Variants in RGPD4 observed in about 807,000 individuals in gnomAD.
RGPD4 encodes the protein RANBP2 like and GRIP domain containing 4, also known as ranBP2-like and GRIP domain-containing protein 4.
A neutral mutation model predicts 141.1 loss-of-function variants in RGPD4; 84 were observed. That is an observed-to-expected ratio of 0.60 (90% CI 0.50 to 0.71). The LOEUF (loss-of-function observed/expected upper bound fraction) is 0.71. RGPD4 is among the 30% of genes least tolerant of loss of function. The pLI is 0.00. For missense variants in RGPD4, 918 were observed against 1,622.4 expected, an observed-to-expected ratio of 0.57 and a Z score of 7.46; for synonymous variants, 298 against 566.8, an observed-to-expected ratio of 0.53 and a Z score of 6.74.
intron 17 of RGPD4, among the ~76,000 whole-genome samples, chr2:107,865,930 C>T (rs1302134861): frequency 1.0e-4 from 14 of 134,666 alleles, no homozygotes; most frequent in South Asian, 2.6e-4. Flanking sequence ...ATTAGCCTGG[C>T]GTGCTGGCTG....
chr2:107,830,009 C>G (rs1277441786), intron 1 of RGPD4, among the ~76,000 whole-genome samples: 1 of 152,066 alleles, frequency 6.6e-6, no homozygotes. Context: ...CATCTCAGCG[C>G]GGACATTTGC....
chr2:107,877,986 C>T (rs79742112), intron 20 of RGPD4, among the ~76,000 whole-genome samples: 9,126 of 148,954 alleles, frequency 0.061, 257 homozygotes, highest in African/African-American at 0.16. Flanking sequence ...CTAATTTTTG[C>T]ATTTTTAGTA....
intron 1 of RGPD4, among the ~76,000 whole-genome samples, chr2:107,831,630 T>C (rs56200016): frequency 0.75 from 77,697 of 104,178 alleles, 30,060 homozygotes; most frequent in African/African-American, 0.9. Flanking sequence ...GGCTGGAGTG[T>C]AGTGGCGCGA....
intron 1 of RGPD4, among the ~76,000 whole-genome samples, chr2:107,828,754 G>T (rs1481753813): frequency 3.4e-5 from 1 of 29,116 alleles, no homozygotes; most frequent in Admixed American, 2.2e-4. Flanking sequence ...CGGCTGCCTC[G>T]ATGGCTCAGG....
Position 107,859,550 on chromosome 2 carries a change from G to T in RGPD4, c.1630G>T (p.Ala544Ser), listed in dbSNP as rs1314253220. 6.2e-7 allele frequency: 1 copy of T among 1,611,374 alleles called. No individual in the cohort carries two copies. Among genetic ancestry groups the T allele is most frequent in the African/African-American group, 1.3e-5 (1 of 74,398 alleles). Residue 544 changes from alanine (A) to serine (S), a missense_variant, in exon 11 of 23, where the codon GCA becomes TCA. By Grantham distance (99) the Ala-to-Ser change is moderately conservative. Coordinates refer to ENST00000408999, the MANE Select transcript of RGPD4 (RefSeq NM_182588.3). ...GGTTTGTACTCTGATTCACAGAAAA[G>T]CAGTGTAAGTAGTAAAACAAAAATA... Reference protein sequence around the residue: ...DAVCTLIHRKAVPGNSAKLRL... With the variant: ...DAVCTLIHRKSVPGNSAKLRL...
At chr2:107,836,504 T>C in intron 1 of RGPD4, 98 bp from the exon 2 acceptor site, 1 of 1,031,450 alleles carries the variant, frequency 9.7e-7, no homozygotes, top group Non-Finnish European at 1.4e-6. Flanking sequence ...GAAAATGGCA[T>C]ATTTGAACAT....
rs748606098 is a variant in RGPD4 at position 107,872,677 on chromosome 2, T to C, written c.4673T>C (p.Phe1558Ser). The change falls in exon 20 of 23, where the codon TTT (phenylalanine) becomes TCT (serine). Residue 1558 changes from phenylalanine to serine, a missense_variant. Coordinates refer to ENST00000408999, the MANE Select transcript of RGPD4 (RefSeq NM_182588.3). ...TTTAGTAGTGAAAAATCAAAACCAT[T>C]TGCATTTGGCAACAGTTCTGCCACT... is the stretch of plus-strand genomic sequence containing the variant. The part of the protein sequence containing the change: ...RIFSSEKSKP[F>S]AFGNSSATGS... 5.0e-6 allele frequency: 8 copies of C among 1,611,134 alleles called. No individual in the cohort carries two copies. The highest frequency in any genetic ancestry group is 5.9e-6 in the Non-Finnish European group (7 of 1,179,816).
rs772067009 is a variant in RGPD4 at position 107,872,101 on chromosome 2, G to C, written c.4097G>C (p.Arg1366Thr). 38 of 1,611,556 alleles carry C rather than the reference G, an allele frequency of 2.4e-5. 1 individual carries two copies. The African/African-American group carries it at 4.4e-4, about 19-fold the overall frequency. ...VVFSHRAELY[R>T]YDKDVGQWKE... is the part of the protein sequence containing the mutation. ...TTTAGTCACAGGGCAGAACTCTACA[G>C]ATATGATAAAGATGTTGGTCAATGG... Residue 1366 changes from arginine (R) to threonine (T), a missense_variant, in exon 20 of 23, where the codon AGA becomes ACA. By Grantham distance (71) the Arg-to-Thr change is moderately conservative. Coordinates refer to ENST00000408999, the MANE Select transcript of RGPD4 (RefSeq NM_182588.3).
chr2:107,871,173 G>T lies in RGPD4; in HGVS notation c.3169G>T (p.Glu1057Ter). Reference protein sequence around the residue: ...KVELVIGEEGEKVLYSQGVKL... With the variant: ...KVELVIGEEG ...AGAACTTGTAATAGGAGAAGAAGGT[G>T]AAAAAGTTCTGTATTCACAGGGGGT... Residue 1057 changes from glutamate (E) to a stop codon, truncating the protein, a stop_gained, in exon 20 of 23, where the codon GAA becomes TAA. Transcript: ENST00000408999. LOFTEE classifies it high-confidence loss of function. 4 of 1,610,372 alleles carry T rather than the reference G, an allele frequency of 2.5e-6. No homozygotes were observed. The South Asian group carries it at 4.4e-5, about 18-fold the overall frequency.
intron 7 of RGPD4, among the ~76,000 whole-genome samples, chr2:107,849,670 C>CT (rs551638640): frequency 0.012 from 757 of 60,764 alleles, 8 homozygotes; most frequent in African/African-American, 0.017. Context: ...CATGCCCAGC[C>CT]TTTTTTTTTT....
At chr2:107,845,527 A>T (rs1166131229) in intron 6 of RGPD4, among the ~76,000 whole-genome samples, 2 of 151,102 alleles carry the variant, frequency 1.3e-5, no homozygotes, top group African/African-American at 4.9e-5. Flanking sequence ...GAGGACCCTG[A>T]GGAAGATAAA....
At chr2:107,874,834 G>A (rs1345681216) in intron 20 of RGPD4, among the ~76,000 whole-genome samples, 1 of 151,586 alleles carries the variant, frequency 6.6e-6, no homozygotes, top group East Asian at 1.9e-4. Flanking sequence ...AATAGCAGAA[G>A]TGGAACAAGA....
At position 107,871,171 on chromosome 2, in the gene RGPD4, G is replaced by A; in HGVS notation, c.3167G>A (p.Gly1056Asp). Reference protein sequence around the residue: ...EKVELVIGEEGEKVLYSQGVK... With the variant: ...EKVELVIGEEDEKVLYSQGVK... ...GTAGAACTTGTAATAGGAGAAGAAG[G>A]TGAAAAAGTTCTGTATTCACAGGGG... The change falls in exon 20 of 23, where the codon GGT becomes GAT. Residue 1056 changes from glycine (G) to aspartate (D), a missense_variant. Transcript: ENST00000408999. 1 of 1,610,364 alleles carries A rather than the reference G, an allele frequency of 6.2e-7. No individual in the cohort carries two copies. The highest frequency in any genetic ancestry group is 8.5e-7 in the Non-Finnish European group (1 of 1,179,728).
intron 20 of RGPD4, among the ~76,000 whole-genome samples, chr2:107,873,429 C>T (rs1370329054): frequency 2.9e-5 from 4 of 139,196 alleles, no homozygotes; most frequent in Admixed American, 1.4e-4. Flanking sequence ...AAAAATGAGC[C>T]GGGCGTGGTG....
chr2:107,827,506 C>T (rs1353980778), intron 1 of RGPD4, among the ~76,000 whole-genome samples: 2 of 30,984 alleles, frequency 6.5e-5, no homozygotes, highest in Admixed American at 2.2e-4. Flanking sequence ...GGCCTCGACC[C>T]GGCCCGGTGG....
chr2:107,882,397 T>C (rs962986073), intron 21 of RGPD4, among the ~76,000 whole-genome samples: 3 of 151,828 alleles, frequency 2.0e-5, no homozygotes, highest in South Asian at 2.1e-4. Flanking sequence ...TTGGTTCATA[T>C]GCAGCAATCC....
intron 21 of RGPD4, among the ~76,000 whole-genome samples, chr2:107,880,677 T>G (rs1201002534): frequency 6.7e-6 from 1 of 149,566 alleles, no homozygotes; most frequent in Non-Finnish European, 1.5e-5. Context: ...TGTTCACATA[T>G]GCTTAAATAA....
chr2:107,875,229 T>G (rs1308856650), intron 20 of RGPD4, among the ~76,000 whole-genome samples: 1 of 70,274 alleles, frequency 1.4e-5, no homozygotes, highest in African/African-American at 7.2e-5. Flanking sequence ...AAAGAAACAG[T>G]TAAAAAGGGA....
intron 1 of RGPD4, among the ~76,000 whole-genome samples, chr2:107,832,650 C>T (rs540662010): frequency 1.8e-4 from 26 of 140,614 alleles, no homozygotes; most frequent in Non-Finnish European, 3.7e-4. Context: ...CCATACTGGT[C>T]AGGCTGGTCT....
Sources: allele counts gnomAD v4.1 joint callset (sites outside exome capture counted in the v4.1 genomes callset), GRCh38; gene constraint gnomAD v4.1.1; transcripts MANE v1.5; gene names NCBI Gene and HGNC (gene_info 2026-07-23, HGNC 2026-07-21).